SAR1B: variants seen among roughly 807,000 people sequenced by gnomAD.
The protein encoded by SAR1B is small COPII coat GTPase SAR1B.
A neutral mutation model predicts 26.8 loss-of-function variants in SAR1B; 23 were observed. That is an observed-to-expected ratio of 0.86 (90% CI 0.62 to 1.22). The LOEUF is 1.22. Among genes scored for constraint, SAR1B ranks in the 50% most tolerant of loss-of-function variants. The probability of loss-of-function intolerance (pLI) is 0.00; values close to 1 mark genes in which losing one functional copy is unlikely to be tolerated. For missense variants in SAR1B, 196 were observed against 232.8 expected (o/e 0.84, Z 1.03); for synonymous variants, 65 against 80.8 (o/e 0.80, Z 1.05).
rs35668627 is a variant in SAR1B at position 134,626,298 on chromosome 5, C to CAAA, written c.-18-2264_-18-2262dup. On this transcript the variant is annotated intron_variant, in intron 1 of 6. Coordinates refer to ENST00000402673, the MANE Select transcript of SAR1B (RefSeq NM_016103.4). The stretch of plus-strand genomic sequence containing the variant: ...TGGGCCACAGAGCAAGACTCTGCCT[C>CAAA]AAAAAAAAAAAAAAAAAAAAAAAAA... Among the ~76,000 whole-genome samples, 463 of 53,132 alleles carry CAAA rather than the reference C, an allele frequency of 8.7e-3. 28 individuals are homozygous for CAAA. Among genetic ancestry groups the CAAA allele is most frequent in the African/African-American group, 0.018 (290 of 16,286 alleles). The allele number at this position is 53,132 out of a possible 152,430, so 34.9% of individuals were successfully genotyped here. A position where few individuals can be genotyped will look rare whatever the true frequency, so the allele number is the denominator to read the frequency against.
rs958784929 is a variant in SAR1B at position 134,626,274 on chromosome 5, G to A, written c.-18-2237C>T. Among the ~76,000 whole-genome samples, 10 of 123,480 alleles carry A rather than the reference G, an allele frequency of 8.1e-5. No individual in the cohort carries two copies. In the Admixed American group the frequency reaches 9.3e-4, roughly 11 times the overall value. 81.0% of individuals were successfully genotyped at this position (123,480 alleles called of 152,430 possible). On this transcript the variant is annotated intron_variant, in intron 1 of 6. Coordinates refer to ENST00000402673, the MANE Select transcript of SAR1B (RefSeq NM_016103.4). The stretch of plus-strand genomic sequence containing the variant: ...AGATCGAGCCACTGCACCACAGCCT[G>A]GGCCACAGAGCAAGACTCTGCCTCA...
intron 6 of SAR1B, among the ~76,000 whole-genome samples, chr5:134,607,849 A>C (rs796087443): frequency 2.0e-5 from 3 of 152,260 alleles, no homozygotes; most frequent in Middle Eastern, 3.4e-3. Context: ...AAACTAAAAA[A>C]ATTTTGTAAA....
At chr5:134,631,921 C>G (rs1283909464) in intron 1 of SAR1B, 1 of 152,226 alleles carries the variant, frequency 6.6e-6, no homozygotes, top group African/African-American at 2.4e-5. Flanking sequence ...AAAGTTAGAC[C>G]GGATGCGGTG....
rs1765064210 is a variant in SAR1B, at chr5:134,602,995, G to A, written c.*3955C>T. ...TATAGCAAAGCCTCTGGCTTTTAATGTAGGCTATATTTTATTCACTATTAA... is the reference window on the plus strand; with the variant it reads ...TATAGCAAAGCCTCTGGCTTTTAATATAGGCTATATTTTATTCACTATTAA... On this transcript the variant is annotated 3_prime_UTR_variant, in exon 7 of 7. Coordinates refer to ENST00000402673, the MANE Select transcript of SAR1B (RefSeq NM_016103.4). 1 of 152,164 alleles carries A rather than the reference G, an allele frequency of 6.6e-6. No homozygotes were observed. The highest frequency in any genetic ancestry group is 1.5e-5 in the Non-Finnish European group (1 of 68,030). The allele number at this position is 152,164 out of a possible 1,614,324, so 9.4% of individuals were successfully genotyped here.
chr5:134,609,545 T>C, intron 5 of SAR1B, 26 bp downstream of exon 5: 2 of 1,560,730 alleles, frequency 1.3e-6, no homozygotes, highest in East Asian at 2.2e-5. Flanking sequence ...GATTTGACTA[T>C]ATTTAGTTTC....
chr5:134,627,880 C>A (rs1230494596), intron 1 of SAR1B, among the ~76,000 whole-genome samples: 1 of 151,716 alleles, frequency 6.6e-6, no homozygotes, highest in East Asian at 1.9e-4. Flanking sequence ...TGGCTCACGC[C>A]TGTAATCCCA....
At position 134,605,364 on chromosome 5, in the gene SAR1B, T is replaced by C. The variant is rs1011096323; in HGVS notation, c.*1586A>G. 1.8e-4 allele frequency: 27 copies of C among 152,304 alleles called. No homozygotes were observed. The East Asian group carries it at 4.6e-3, about 26-fold the overall frequency. The allele number at this position is 152,304 out of a possible 1,614,324, so 9.4% of individuals were successfully genotyped here. On this transcript the variant is annotated 3_prime_UTR_variant, in exon 7 of 7. Transcript: ENST00000402673. ...CATTTTTGGCACTTACCTTTCATCT[T>C]ATATTACTAATGATGGGAATCTCAA...
chr5:134,612,682 G>C lies in SAR1B; in HGVS notation c.244+9C>G, dbSNP rs200681744. ...AAAAAAAAAAAAAAAAAAAAAAAAA[G>C]AATCTTACCTTGAACATGTCCACCC... On this transcript the variant is annotated intron_variant, in intron 4 of 6. Coordinates refer to ENST00000402673, the MANE Select transcript of SAR1B (RefSeq NM_016103.4). 2.5e-4 allele frequency: 100 copies of C among 407,770 alleles called. No homozygotes were observed. In the East Asian group the frequency reaches 5.8e-3, roughly 24 times the overall value. The allele number at this position is 407,770 out of a possible 1,614,324, so 25.3% of individuals were successfully genotyped here. A position where few individuals can be genotyped will look rare whatever the true frequency, so the allele number is the denominator to read the frequency against.
At chr5:134,629,155 C>T (rs1438741926) in intron 1 of SAR1B, among the ~76,000 whole-genome samples, 1 of 151,348 alleles carries the variant, frequency 6.6e-6, no homozygotes, top group Non-Finnish European at 1.5e-5. Context: ...GGCATGATGG[C>T]TCATACCTGT....
rs749246564 is a variant in SAR1B, at chr5:134,624,040, GA to G, written c.-18-4del. Reference sequence around the variant, plus strand: ...GACATATCCAAATCTGATAGGGTCTGAAAAAAAAGAGTTTGAATTTAGTAGT... The same window carrying G: ...GACATATCCAAATCTGATAGGGTCTGAAAAAAAGAGTTTGAATTTAGTAGT... On this transcript the variant is annotated splice_region_variant and splice_polypyrimidine_tract_variant and intron_variant, in intron 1 of 6. Coordinates refer to ENST00000402673, the MANE Select transcript of SAR1B (RefSeq NM_016103.4). 1.2e-5 allele frequency: 19 copies of G among 1,567,568 alleles called. No homozygotes were observed. Among genetic ancestry groups the G allele is most frequent in the African/African-American group, 1.4e-5 (1 of 73,854 alleles).
intron 2 of SAR1B, among the ~76,000 whole-genome samples, chr5:134,622,812 C>T (rs60459169): frequency 0.013 from 2,012 of 151,410 alleles, 35 homozygotes; most frequent in African/African-American, 0.047. Context: ...AACAAAGGAC[C>T]AATATTACCT....
rs1353297252 is a variant in SAR1B at position 134,604,546 on chromosome 5, T to C, written c.*2404A>G. On this transcript the variant is annotated 3_prime_UTR_variant, in exon 7 of 7. Coordinates refer to ENST00000402673, the MANE Select transcript of SAR1B (RefSeq NM_016103.4). ...GCTCAGGAACTCTGCCCCCTAAAGC[T>C]GGGAGGAAAGCTGGTTGCTCCTAAA... 1 of 152,182 alleles carries C rather than the reference T, an allele frequency of 6.6e-6. No individual in the cohort carries two copies. The highest frequency in any genetic ancestry group is 1.5e-5 in the Non-Finnish European group (1 of 68,064). The allele number at this position is 152,182 out of a possible 1,614,324, so 9.4% of individuals were successfully genotyped here.
intron 1 of SAR1B, among the ~76,000 whole-genome samples, chr5:134,630,331 T>C (rs1013473901): frequency 2.0e-5 from 3 of 151,722 alleles, no homozygotes; most frequent in Non-Finnish European, 4.4e-5. Flanking sequence ...GGTGTATGCC[T>C]GTAATCCCAG....
intron 2 of SAR1B, among the ~76,000 whole-genome samples, chr5:134,622,661 C>T (rs192175130): frequency 2.6e-5 from 4 of 151,344 alleles, no homozygotes; most frequent in African/African-American, 4.8e-5. Flanking sequence ...CTGCCTGCCT[C>T]GGCCTCCAAA....
In SAR1B at chr5:134,608,504, C is replaced by G. The variant is rs1580645999; in HGVS notation, c.349-1G>C. 6.2e-7 allele frequency: 1 copy of G among 1,610,392 alleles called. No individual in the cohort carries two copies. Among genetic ancestry groups the G allele is most frequent in the Non-Finnish European group, 8.5e-7 (1 of 1,178,898 alleles). On this transcript the variant is annotated splice_acceptor_variant, in intron 5 of 6. Coordinates refer to ENST00000402673, the MANE Select transcript of SAR1B (RefSeq NM_016103.4). LOFTEE classifies it high-confidence loss of function. ...CAATGGTTTCATCTGTCATTAGTGACTGAAAAAAACAAAACAATACAAAAC... is the reference window on the plus strand; with the variant it reads ...CAATGGTTTCATCTGTCATTAGTGAGTGAAAAAAACAAAACAATACAAAAC...
intron 1 of SAR1B, 74 bp from the exon 2 acceptor site, chr5:134,624,111 A>C: frequency 1.2e-6 from 1 of 842,708 alleles, no homozygotes; most frequent in Non-Finnish European, 2.1e-6. Flanking sequence ...ACTGTTAAAC[A>C]CCAACTCTGA....
chr5:134,612,801 A>G lies in SAR1B; in HGVS notation c.179-45T>C, dbSNP rs200063655. 123 of 1,537,478 alleles carry G rather than the reference A, an allele frequency of 8.0e-5. No individual in the cohort carries two copies. In the African/African-American group the frequency reaches 1.4e-3, roughly 18 times the overall value. ...ATTTTTACATGAAAATTAGAAACCC[A>G]TTAATCGTGTAAAAAGTAAAGTAGA... On this transcript the variant is annotated intron_variant, in intron 3 of 6. Transcript: ENST00000402673.
chr5:134,605,259 C>T lies in SAR1B; in HGVS notation c.*1691G>A, dbSNP rs1259834734. 6.6e-6 allele frequency: 1 copy of T among 152,034 alleles called. No individual in the cohort carries two copies. Among genetic ancestry groups the T allele is most frequent in the Non-Finnish European group, 1.5e-5 (1 of 68,000 alleles). The allele number at this position is 152,034 out of a possible 1,614,324, so 9.4% of individuals were successfully genotyped here. A position where few individuals can be genotyped will look rare whatever the true frequency, so the allele number is the denominator to read the frequency against. ...ACTAATTTTTGATATTAAAATTATT[C>T]TTGATGGAATTGGTTAAATATACTA... On this transcript the variant is annotated 3_prime_UTR_variant, in exon 7 of 7. Transcript: ENST00000402673.
At chr5:134,616,833 G>A (rs1043389945) in intron 3 of SAR1B, among the ~76,000 whole-genome samples, 2 of 152,232 alleles carry the variant, frequency 1.3e-5, no homozygotes, top group African/African-American at 4.8e-5. Flanking sequence ...ATGACTGAAT[G>A]TATCAGTGGT....
Sources: gnomAD v4.1 joint callset for allele counts (sites outside exome capture counted in the v4.1 genomes callset) on GRCh38, gnomAD v4.1.1 for gene constraint, MANE v1.5 for transcripts, NCBI Gene and HGNC (gene_info 2026-07-23, HGNC 2026-07-21) for gene names.